Variants in CLYBL observed in about 807,000 individuals in gnomAD.
CLYBL encodes the protein citramalyl-CoA lyase, mitochondrial.
CLYBL carries 31 observed loss-of-function variants against 38.9 expected under a neutral mutation model. That is an observed-to-expected ratio of 0.80 (90% CI 0.60 to 1.08). CLYBL has a LOEUF of 1.08. CLYBL is among the 50% of genes least tolerant of loss of function. CLYBL has a pLI of 0.00. For synonymous variants in CLYBL, 171 were observed against 158.6 expected, an observed-to-expected ratio of 1.08 and a Z score of -0.59; for missense variants, 434 against 411.6, an observed-to-expected ratio of 1.05 and a Z score of -0.47.
intron 1 of CLYBL, among the ~76,000 whole-genome samples, chr13:99,631,694 G>A (rs544753643): frequency 1.6e-4 from 25 of 152,096 alleles, no homozygotes; most frequent in Non-Finnish European, 3.4e-4. Context: ...CACCTCCCGG[G>A]TTCAAGCGAT....
rs200184536 is a variant in CLYBL, at chr13:99,756,708, AGACAGTCCTG to A, written c.63-16112_63-16103del. 2.8e-4 allele frequency among the ~76,000 whole-genome samples: 43 copies of A among 152,294 alleles called. No homozygotes were observed. In the East Asian group the frequency reaches 7.9e-3, roughly 28 times the overall value. On this transcript the variant is annotated intron_variant, in intron 1 of 8. Transcript: ENST00000339105. ...TGTTGCCCAGGGAAGCCAAAAGGTT[AGACAGTCCTG>A]GACTAAAGCTTCCCACATGATCATA...
chr13:99,864,196 C>CATTT (rs1430495406), intron 4 of CLYBL, among the ~76,000 whole-genome samples: 3 of 136,360 alleles, frequency 2.2e-5, no homozygotes, highest in African/African-American at 7.8e-5. Flanking sequence ...ACCGGTTCCT[C>CATTT]GTTTCTTTCC....
chr13:99,751,234 T>TG (rs1426449428), intron 1 of CLYBL, among the ~76,000 whole-genome samples: 2 of 152,222 alleles, frequency 1.3e-5, no homozygotes, highest in East Asian at 3.9e-4. Flanking sequence ...TTTGTTTTTT[T>TG]TTTTTAGATG....
intron 2 of CLYBL, among the ~76,000 whole-genome samples, chr13:99,827,747 C>T (rs1211786612): frequency 6.6e-6 from 1 of 152,228 alleles, no homozygotes; most frequent in Admixed American, 6.5e-5. Context: ...TTTATACATG[C>T]AAGGCTCAGA....
chr13:99,642,887 T>TAGCTAC (rs578182085), intron 1 of CLYBL, among the ~76,000 whole-genome samples: 200 of 152,322 alleles, frequency 1.3e-3, no homozygotes, highest in African/African-American at 4.4e-3. Context: ...GCCTCCCAAC[T>TAGCTAC]AGCTACAGCT....
intron 1 of CLYBL, among the ~76,000 whole-genome samples, chr13:99,715,695 C>T (rs2048302147): frequency 1.3e-5 from 2 of 152,188 alleles, no homozygotes; most frequent in African/African-American, 4.8e-5. Flanking sequence ...TGTTCCAACC[C>T]ACTACCCTGC....
At chr13:99,840,750 CAAAAAA>C (rs59274056) in intron 2 of CLYBL, among the ~76,000 whole-genome samples, 6 of 16,814 alleles carry the variant, frequency 3.6e-4, no homozygotes, top group East Asian at 1.7e-3. Flanking sequence ...ACCCTTGTCT[CAAAAAA>C]AAAAAAAAAA....
intron 1 of CLYBL, among the ~76,000 whole-genome samples, chr13:99,680,488 A>G (rs1312563755): frequency 5.3e-5 from 8 of 152,228 alleles, no homozygotes; most frequent in African/African-American, 1.9e-4. Context: ...TGTAAAAGGT[A>G]ATTTTACAAG....
intron 2 of CLYBL, among the ~76,000 whole-genome samples, chr13:99,802,176 G>A (rs569364751): frequency 6.6e-6 from 1 of 152,196 alleles, no homozygotes; most frequent in East Asian, 1.9e-4. Context: ...CAAGATCAAG[G>A]TGCTGGCCAG....
At chr13:99,807,021 T>G (rs1249427613) in intron 2 of CLYBL, among the ~76,000 whole-genome samples, 2 of 152,222 alleles carry the variant, frequency 1.3e-5, no homozygotes, top group East Asian at 1.9e-4. Flanking sequence ...AGAGCTACCC[T>G]AGTGCTTCCA....
intron 1 of CLYBL, among the ~76,000 whole-genome samples, chr13:99,770,123 C>T (rs2049354375): frequency 6.8e-6 from 1 of 147,294 alleles, no homozygotes; most frequent in Non-Finnish European, 1.5e-5. Context: ...TCTTGTCGCC[C>T]AGGCAGGAGT....
chr13:99,607,979 A>C (rs2046555458), intron 1 of CLYBL, among the ~76,000 whole-genome samples: 2 of 150,200 alleles, frequency 1.3e-5, no homozygotes, highest in African/African-American at 4.9e-5. Flanking sequence ...CCTGACCTCA[A>C]GGGGGTCCAC....
intron 2 of CLYBL, among the ~76,000 whole-genome samples, chr13:99,845,204 TAG>T (rs1352848134): frequency 6.6e-6 from 1 of 152,170 alleles, no homozygotes; most frequent in African/African-American, 2.4e-5. Context: ...ACGCACGGTT[TAG>T]AGAAGCCGTT....
At chr13:99,685,459 C>T (rs1003262228) in intron 1 of CLYBL, among the ~76,000 whole-genome samples, 2 of 152,054 alleles carry the variant, frequency 1.3e-5, no homozygotes, top group African/African-American at 4.8e-5. Flanking sequence ...GCCTTAAAAT[C>T]GAACTTAAAA....
chr13:99,752,818 C>T (rs543801169), intron 1 of CLYBL, among the ~76,000 whole-genome samples: 29 of 152,116 alleles, frequency 1.9e-4, no homozygotes, highest in African/African-American at 6.0e-4. Flanking sequence ...GGAGAAGGAC[C>T]GTGGGGTCTC....
intron 1 of CLYBL, among the ~76,000 whole-genome samples, chr13:99,738,699 G>A (rs886268982): frequency 1.3e-5 from 2 of 152,088 alleles, no homozygotes; most frequent in African/African-American, 4.8e-5. Flanking sequence ...CGAAAACTTA[G>A]GTATTCAAAT....
chr13:99,909,208 T>G (rs1012516475), exon 10 of CLYBL, among the ~76,000 whole-genome samples: 4 of 152,258 alleles, frequency 2.6e-5, no homozygotes, highest in Admixed American at 2.0e-4. Context: ...CTGTGTCATT[T>G]AATCACGAAG....
intron 2 of CLYBL, among the ~76,000 whole-genome samples, chr13:99,813,909 C>G (rs552070184): frequency 1.3e-5 from 2 of 152,306 alleles, no homozygotes; most frequent in East Asian, 3.9e-4. Context: ...CCCCGTGGAC[C>G]AAAGTCCTGC....
Position 99,809,345 on chromosome 13 carries a change from C to T in CLYBL, c.249+36335C>T, listed in dbSNP as rs118066495. On this transcript the variant is annotated intron_variant, in intron 2 of 8. Coordinates refer to ENST00000339105, the MANE Select transcript of CLYBL (RefSeq NM_206808.5). ...CAAAATGTTACTTCTGGGAGCCTCC[C>T]TTCTGTGCATGACCAGTGTCATGTG... Among the ~76,000 whole-genome samples, 4 of 152,340 alleles carry T rather than the reference C, an allele frequency of 2.6e-5. No homozygotes were observed. In the East Asian group the frequency reaches 5.8e-4, roughly 22 times the overall value.
Sources: gnomAD v4.1 joint callset for allele counts (sites outside exome capture counted in the v4.1 genomes callset) on GRCh38, gnomAD v4.1.1 for gene constraint, MANE v1.5 for transcripts, NCBI Gene and HGNC (gene_info 2026-07-23, HGNC 2026-07-21) for gene names.